The following SHISA6 variants were observed in gnomAD, a reference collection of about 807,000 sequenced individuals.
SHISA6 encodes the protein shisa family member 6, also known as protein shisa-6.
In SHISA6, 22 loss-of-function variants were observed where a neutral mutation model predicts 47.9. The observed-to-expected ratio is 0.46, with a 90% CI of 0.33 to 0.66. The LOEUF is 0.66. Ranked by LOEUF, SHISA6 falls within the 30% of genes least tolerant of loss-of-function variation. The pLI is 0.02. For synonymous variants in SHISA6, 388 were observed against 337.8 expected, an observed-to-expected ratio of 1.15 and a Z score of -1.63; for missense variants, 680 against 764.6, an observed-to-expected ratio of 0.89 and a Z score of 1.30.
chr17:11,474,365 T>C (rs987696685), intron 3 of SHISA6, among the ~76,000 whole-genome samples: 3 of 151,878 alleles, frequency 2.0e-5, no homozygotes, highest in Non-Finnish European at 4.4e-5. Flanking sequence ...TGTCTTCTTT[T>C]GAGAAGTGTC....
intron 3 of SHISA6, among the ~76,000 whole-genome samples, chr17:11,435,425 A>G (rs1231547716): frequency 2.0e-5 from 3 of 152,114 alleles, no homozygotes; most frequent in Non-Finnish European, 4.4e-5. Context: ...TACAGTACCC[A>G]GAAGCCTACT....
chr17:11,370,049 A>T (rs1173967775), intron 2 of SHISA6, among the ~76,000 whole-genome samples: 1 of 152,142 alleles, frequency 6.6e-6, no homozygotes, highest in Non-Finnish European at 1.5e-5. Context: ...TAGCAAATAG[A>T]GGGGCGAGAA....
At chr17:11,436,999 G>A (rs1280025002) in intron 3 of SHISA6, among the ~76,000 whole-genome samples, 3 of 152,182 alleles carry the variant, frequency 2.0e-5, no homozygotes, top group African/African-American at 4.8e-5. Flanking sequence ...AATAGTGGCT[G>A]TCTTAGCCCA....
intron 3 of SHISA6, among the ~76,000 whole-genome samples, chr17:11,422,266 A>G (rs1004411659): frequency 9.9e-5 from 15 of 152,284 alleles, no homozygotes; most frequent in Non-Finnish European, 1.8e-4. Context: ...AGAGCCTTAC[A>G]GTTGTCACAT....
chr17:11,490,264 G>A (rs533107639), intron 3 of SHISA6, among the ~76,000 whole-genome samples: 1 of 152,276 alleles, frequency 6.6e-6, no homozygotes, highest in South Asian at 2.1e-4. Flanking sequence ...TTGGGGAGAG[G>A]AGCAGAGCAG....
intron 2 of SHISA6, among the ~76,000 whole-genome samples, chr17:11,362,607 A>C (rs1248162180): frequency 6.6e-6 from 1 of 152,208 alleles, no homozygotes; most frequent in East Asian, 1.9e-4. Context: ...CTTGCTGCTT[A>C]TATTACTGGC....
chr17:11,419,873 C>T (rs972032809), intron 3 of SHISA6, among the ~76,000 whole-genome samples: 1 of 152,124 alleles, frequency 6.6e-6, no homozygotes, highest in African/African-American at 2.4e-5. Flanking sequence ...TTCATGATCT[C>T]ATCTGAACCC....
At chr17:11,393,531 A>G (rs1191577707) in intron 3 of SHISA6, among the ~76,000 whole-genome samples, 1 of 152,142 alleles carries the variant, frequency 6.6e-6, no homozygotes, top group African/African-American at 2.4e-5. Flanking sequence ...GTACCTTCCT[A>G]ACCTAATGTA....
At chr17:11,249,008 G>A (rs938559148) in intron 1 of SHISA6, among the ~76,000 whole-genome samples, 13 of 151,930 alleles carry the variant, frequency 8.6e-5, no homozygotes, top group Non-Finnish European at 1.8e-4. Flanking sequence ...GCTTGGTGGC[G>A]GCGCCTGTAG....
At chr17:11,295,813 A>G (rs912311657) in intron 2 of SHISA6, among the ~76,000 whole-genome samples, 1 of 152,052 alleles carries the variant, frequency 6.6e-6, no homozygotes, top group African/African-American at 2.4e-5. Flanking sequence ...AATACAAAAA[A>G]TTAGCTGGGC....
intron 2 of SHISA6, among the ~76,000 whole-genome samples, chr17:11,264,925 A>C (rs187293253): frequency 6.6e-6 from 1 of 152,346 alleles, no homozygotes; most frequent in African/African-American, 2.4e-5. Flanking sequence ...TTTGTATATG[A>C]TTGAGGGGAA....
intron 3 of SHISA6, among the ~76,000 whole-genome samples, chr17:11,404,350 C>A (rs1472873762): frequency 6.6e-6 from 1 of 152,184 alleles, no homozygotes; most frequent in Non-Finnish European, 1.5e-5. Context: ...ATCTGGCCCA[C>A]TGAAGACTGG....
At chr17:11,335,053 TC>T (rs1302576033) in intron 2 of SHISA6, among the ~76,000 whole-genome samples, 2 of 152,214 alleles carry the variant, frequency 1.3e-5, no homozygotes, top group Non-Finnish European at 2.9e-5. Context: ...CACTTCAACA[TC>T]TTTTCGTAGG....
chr17:11,272,464 G>A (rs2142153919), intron 2 of SHISA6, among the ~76,000 whole-genome samples: 1 of 152,232 alleles, frequency 6.6e-6, no homozygotes, highest in African/African-American at 2.4e-5. Flanking sequence ...AGGACTGTTG[G>A]CCCCAGTTTG....
At position 11,350,182 on chromosome 17, in the gene SHISA6, A is replaced by ATTTTT. The variant is rs778331945; in HGVS notation, c.800-29221_800-29217dup. 6.0e-5 allele frequency among the ~76,000 whole-genome samples: 7 copies of ATTTTT among 116,240 alleles called. 1 individual carries two copies. The highest frequency in any genetic ancestry group is 2.3e-4 in the African/African-American group (7 of 29,864). The allele number at this position is 116,240 out of a possible 152,430, so 76.3% of individuals were successfully genotyped here. ...AATTTATTTATTTATTTATTTATTT[A>ATTTTT]TTTTTTTTTTTTTTTGAGACGGAGT... On this transcript the variant is annotated intron_variant, in intron 2 of 5. Transcript: ENST00000441885.
chr17:11,406,375 A>G (rs1270482518), intron 3 of SHISA6, among the ~76,000 whole-genome samples: 1 of 152,194 alleles, frequency 6.6e-6, no homozygotes, highest in Non-Finnish European at 1.5e-5. Context: ...ACTGTGCAGC[A>G]TTGCTCAGAC....
At chr17:11,425,000 C>A (rs184750735) in intron 3 of SHISA6, among the ~76,000 whole-genome samples, 74 of 117,700 alleles carry the variant, frequency 6.3e-4, no homozygotes, top group African/African-American at 2.5e-3. Context: ...GAGTGATACT[C>A]CGTCTCAAAA....
At chr17:11,526,112 C>CA (rs1009378341) in intron 3 of SHISA6, among the ~76,000 whole-genome samples, 3 of 137,938 alleles carry the variant, frequency 2.2e-5, no homozygotes, top group African/African-American at 5.6e-5. Context: ...CCAAGGGGAC[C>CA]CCCCCCCGCT....
At chr17:11,363,945 T>G (rs1912367216) in intron 2 of SHISA6, among the ~76,000 whole-genome samples, 1 of 152,180 alleles carries the variant, frequency 6.6e-6, no homozygotes, top group Admixed American at 6.5e-5. Flanking sequence ...AGTGCACTGC[T>G]TAAGGAGTAT....
Sources: allele counts gnomAD v4.1 joint callset (sites outside exome capture counted in the v4.1 genomes callset), GRCh38; gene constraint gnomAD v4.1.1; transcripts MANE v1.5; gene names NCBI Gene and HGNC (gene_info 2026-07-23, HGNC 2026-07-21).